The following GALNT17 variants were observed in gnomAD, a reference collection of about 807,000 sequenced individuals.
The protein encoded by GALNT17 is polypeptide N-acetylgalactosaminyltransferase 17.
GALNT17 carries 29 observed loss-of-function variants against 63.7 expected under a neutral mutation model. The ratio of observed to expected loss-of-function variants is 0.46; its 90% CI spans 0.34 to 0.62. The LOEUF (loss-of-function observed/expected upper bound fraction) is 0.62, where lower values mean the gene tolerates loss of function less well. Ranked by LOEUF, GALNT17 falls within the 20% of genes least tolerant of loss-of-function variation. The pLI is 0.01. For synonymous variants in GALNT17, 305 were observed against 318.3 expected, an observed-to-expected ratio of 0.96 and a Z score of 0.45; for missense variants, 603 against 799.6, an observed-to-expected ratio of 0.75 and a Z score of 2.97.
intron 5 of GALNT17, among the ~76,000 whole-genome samples, chr7:71,421,590 A>C (rs1200542747): frequency 1.3e-5 from 2 of 152,076 alleles, no homozygotes; most frequent in Non-Finnish European, 2.9e-5. Flanking sequence ...CCCGGGTCCC[A>C]CCCAGCTGCC....
intron 6 of GALNT17, among the ~76,000 whole-genome samples, chr7:71,658,911 C>T (rs931693855): frequency 6.6e-6 from 1 of 151,998 alleles, no homozygotes; most frequent in African/African-American, 2.4e-5. Context: ...TCCCTCAAAT[C>T]TATCTACATC....
intron 2 of GALNT17, among the ~76,000 whole-genome samples, chr7:71,356,550 A>G (rs1305120255): frequency 1.3e-5 from 2 of 152,028 alleles, no homozygotes; most frequent in African/African-American, 4.8e-5. Context: ...TGGAAGGGAG[A>G]GAGGGGTGGC....
rs1259517936 is a variant in GALNT17 at position 71,289,222 on chromosome 7, T to TTG, written c.239-46328_239-46327insTG. On this transcript the variant is annotated intron_variant, in intron 1 of 10. Transcript: ENST00000333538. ...GACCACGTCTTTTTTTTTTTTTTTT[T>TTG]GCAATCCTTTTTTGTGCCTTGTTAT... Among the ~76,000 whole-genome samples, 8 of 151,292 alleles carry TTG rather than the reference T, an allele frequency of 5.3e-5. No homozygotes were observed. In the East Asian group the frequency reaches 1.4e-3, roughly 26 times the overall value.
At chr7:71,498,666 C>G (rs1265589686) in intron 5 of GALNT17, among the ~76,000 whole-genome samples, 3 of 152,050 alleles carry the variant, frequency 2.0e-5, no homozygotes, top group African/African-American at 7.2e-5. Context: ...TGCCCAGAGT[C>G]AAGATGGCTG....
At chr7:71,162,071 T>C (rs1382380128) in intron 1 of GALNT17, among the ~76,000 whole-genome samples, 2 of 111,086 alleles carry the variant, frequency 1.8e-5, no homozygotes, top group Non-Finnish European at 3.6e-5. Flanking sequence ...CTTCCTTCCT[T>C]CCTTCCTTCT....
At chr7:71,220,127 C>G (rs1181017811) in intron 1 of GALNT17, among the ~76,000 whole-genome samples, 1 of 152,344 alleles carries the variant, frequency 6.6e-6, no homozygotes, top group East Asian at 1.9e-4. Context: ...GCAAAACTCC[C>G]TGCTGAGGTT....
At chr7:71,269,424 G>A (rs556060131) in intron 1 of GALNT17, among the ~76,000 whole-genome samples, 34 of 152,264 alleles carry the variant, frequency 2.2e-4, no homozygotes, top group East Asian at 1.4e-3. Flanking sequence ...CTATGATTGC[G>A]CCACTGTACT....
chr7:71,562,256 A>G (rs1789269216), intron 5 of GALNT17, among the ~76,000 whole-genome samples: 1 of 152,178 alleles, frequency 6.6e-6, no homozygotes, highest in Admixed American at 6.5e-5. Flanking sequence ...GCACCACTGC[A>G]TCTGGTTCAC....
At position 71,591,217 on chromosome 7, in the gene GALNT17, G is replaced by A. The variant is rs116482304; in HGVS notation, c.1080+19815G>A. Among the ~76,000 whole-genome samples, 655 of 151,576 alleles carry A rather than the reference G, an allele frequency of 4.3e-3. 13 individuals are homozygous for A. The highest frequency in any genetic ancestry group is 0.015 in the African/African-American group (621 of 41,296). On this transcript the variant is annotated intron_variant, in intron 6 of 10. Transcript: ENST00000333538. ...GATTACAGGCATGTGCTATCATGCCGACTAATTTTTGTATTTTGAGTAGAG... is the reference window on the plus strand; with the variant it reads ...GATTACAGGCATGTGCTATCATGCCAACTAATTTTTGTATTTTGAGTAGAG...
intron 1 of GALNT17, among the ~76,000 whole-genome samples, chr7:71,226,300 G>T (rs1789678765): frequency 6.6e-6 from 1 of 152,158 alleles, no homozygotes; most frequent in African/African-American, 2.4e-5. Flanking sequence ...CCTACCATCT[G>T]CCCTTGGCCT....
chr7:71,314,481 C>T (rs1791466144), intron 1 of GALNT17, among the ~76,000 whole-genome samples: 1 of 152,040 alleles, frequency 6.6e-6, no homozygotes, highest in African/African-American at 2.4e-5. Context: ...TCAAAGGACC[C>T]AAAAAGGCCA....
chr7:71,435,965 A>G (rs1466735730), intron 5 of GALNT17, among the ~76,000 whole-genome samples: 1 of 145,560 alleles, frequency 6.9e-6, no homozygotes, highest in Non-Finnish European at 1.5e-5. Context: ...GCTTGCAGTG[A>G]GCCAAGATCA....
intron 5 of GALNT17, among the ~76,000 whole-genome samples, chr7:71,533,824 A>G (rs1788758283): frequency 6.6e-6 from 1 of 152,124 alleles, no homozygotes; most frequent in Non-Finnish European, 1.5e-5. Flanking sequence ...TCCCAAATCC[A>G]TCTCCCTAAC....
chr7:71,247,671 G>A (rs987029583), intron 1 of GALNT17, among the ~76,000 whole-genome samples: 1 of 151,984 alleles, frequency 6.6e-6, no homozygotes, highest in Admixed American at 6.5e-5. Flanking sequence ...TGGCCAGGTT[G>A]GTCTCGAACT....
chr7:71,452,551 A>C (rs1787282951), intron 5 of GALNT17, among the ~76,000 whole-genome samples: 1 of 152,208 alleles, frequency 6.6e-6, no homozygotes, highest in Admixed American at 6.5e-5. Flanking sequence ...GTCTCAAAAA[A>C]ATTTAAAAAT....
chr7:71,366,565 G>A (rs1792513605), intron 2 of GALNT17, among the ~76,000 whole-genome samples: 1 of 150,596 alleles, frequency 6.6e-6, no homozygotes, highest in South Asian at 2.1e-4. Context: ...TGGCGACAGA[G>A]CGAGACTCTG....
chr7:71,168,635 A>G (rs918205532), intron 1 of GALNT17, among the ~76,000 whole-genome samples: 1 of 152,108 alleles, frequency 6.6e-6, no homozygotes, highest in Non-Finnish European at 1.5e-5. Context: ...ATACTCATAT[A>G]TAGTGAATTA....
intron 5 of GALNT17, among the ~76,000 whole-genome samples, chr7:71,569,661 C>CACTAGTTGTTCCA (rs1185157943): frequency 6.6e-6 from 1 of 152,170 alleles, no homozygotes; most frequent in African/African-American, 2.4e-5. Context: ...AACTTTTCCA[C>CACTAGTTGTTCCA]ACTAGTCTTG....
At chr7:71,334,452 G>GGTGTGTGTGT (rs34233177) in intron 1 of GALNT17, among the ~76,000 whole-genome samples, 2 of 151,352 alleles carry the variant, frequency 1.3e-5, no homozygotes, top group African/African-American at 4.8e-5. Flanking sequence ...TGGATAAAGT[G>GGTGTGTGTGT]GTGTGTGTGT....
Sources: gnomAD v4.1 joint callset for allele counts (sites outside exome capture counted in the v4.1 genomes callset) on GRCh38, gnomAD v4.1.1 for gene constraint, MANE v1.5 for transcripts, NCBI Gene and HGNC (gene_info 2026-07-23, HGNC 2026-07-21) for gene names.